KCNT1: variants seen among roughly 807,000 people sequenced by gnomAD.
The protein encoded by KCNT1 is potassium channel subfamily T member 1.
In KCNT1, 78 loss-of-function variants were observed where a neutral mutation model predicts 147.8. The observed-to-expected ratio is 0.53, with a 90% confidence interval of 0.44 to 0.64. The LOEUF is 0.64. Among genes scored for constraint, KCNT1 ranks in the 30% least tolerant of loss-of-function variants. The pLI, the probability that KCNT1 is intolerant of heterozygous loss-of-function variation, is 0.00. For missense variants in KCNT1, 1,419 were observed against 1,750.3 expected, an observed-to-expected ratio of 0.81 and a Z score of 3.38; for synonymous variants, 867 against 748.8, an observed-to-expected ratio of 1.16 and a Z score of -2.58.
intron 2 of KCNT1, among the ~76,000 whole-genome samples, chr9:135,732,420 C>T (rs1830139227): frequency 1.3e-5 from 2 of 152,176 alleles, no homozygotes; most frequent in Admixed American, 1.3e-4. Flanking sequence ...GTGCCTGGAT[C>T]TTGTTGTGCC....
intron 17 of KCNT1, 71 bp downstream of exon 17, chr9:135,770,518 G>C (rs545322605): frequency 2.0e-6 from 3 of 1,527,926 alleles, no homozygotes; most frequent in South Asian, 1.3e-5. Context: ...CCACCCTCCC[G>C]GTCAGGCACA....
chr9:135,722,309 C>G (rs560705889), intron 2 of KCNT1, among the ~76,000 whole-genome samples: 1 of 152,206 alleles, frequency 6.6e-6, no homozygotes, highest in African/African-American at 2.4e-5. Context: ...GCCGGCACAG[C>G]GGGGCACACG....
chr9:135,784,833 G>A lies in KCNT1; in HGVS notation c.3100G>A (p.Ala1034Thr), dbSNP rs779961735. Residue 1034 changes from alanine to threonine, a missense_variant, in exon 27 of 31, where the codon GCC becomes ACC. Around this residue, in one of 5 missense-constraint regions of KCNT1, gnomAD observed 247 missense variants for 397.1 expected, o/e 0.62. Transcript: ENST00000371757. ...CTTCCAGAAGCTCTGCTCCTCCAGCGCCGAGATCCCCATTGGCATCTACCG... is the reference window on the plus strand; with the variant it reads ...CTTCCAGAAGCTCTGCTCCTCCAGCACCGAGATCCCCATTGGCATCTACCG... Reference protein sequence around the residue: ...RLFQKLCSSSAEIPIGIYRTE... With the variant: ...RLFQKLCSSSTEIPIGIYRTE... The A allele has an allele frequency of 2.3e-5, 37 of 1,612,816 alleles. No individual in the cohort carries two copies. The highest frequency in any genetic ancestry group is 1.8e-4 in the Admixed American group (11 of 60,022).
chr9:135,784,861 C>T lies in KCNT1; in HGVS notation c.3128C>T (p.Thr1043Ile), dbSNP rs1361200980. 7.4e-6 allele frequency: 12 copies of T among 1,612,754 alleles called. No homozygotes were observed. Among genetic ancestry groups the T allele is most frequent in the Admixed American group, 1.7e-5 (1 of 60,018 alleles). ...SAEIPIGIYR[T>I]ESHVFSTSEP... is the part of the protein sequence containing the mutation. ...GAGATCCCCATTGGCATCTACCGGA[C>T]AGAGAGCCACGTCTTCTCCACCTCG... Residue 1043 changes from threonine (T) to isoleucine (I), a missense_variant, in exon 27 of 31, where the codon ACA (threonine) becomes ATA (isoleucine). Thr to Ile is a moderately conservative substitution (Grantham distance 89). Transcript: ENST00000371757.
At chr9:135,709,007 A>G (rs563763696) in intron 1 of KCNT1, among the ~76,000 whole-genome samples, 2 of 152,158 alleles carry the variant, frequency 1.3e-5, no homozygotes, top group Admixed American at 6.5e-5. Context: ...TTTAGCCCTT[A>G]GCTGTTCCGT....
chr9:135,770,543 G>T, intron 17 of KCNT1, 96 bp downstream of exon 17: 13 of 1,474,394 alleles, frequency 8.8e-6, no homozygotes, highest in Non-Finnish European at 1.2e-5. Flanking sequence ...TGGCCCTGGG[G>T]CGGGGCTGCA....
At chr9:135,721,021 G>A (rs1293910549) in intron 2 of KCNT1, among the ~76,000 whole-genome samples, 1 of 152,252 alleles carries the variant, frequency 6.6e-6, no homozygotes, top group Non-Finnish European at 1.5e-5. Context: ...CCAAGGGGCA[G>A]TGGTGGTTTA....
rs1192155060 is a variant in KCNT1, at chr9:135,794,940, C to G, written c.*2779C>G. ...CCATAAAAGGTCCCCCTGCAAAGTA[C>G]ACCAAGTGAAGTAGGATCTGAGCAA... is the stretch of plus-strand genomic sequence containing the variant. On this transcript the variant is annotated 3_prime_UTR_variant, in exon 31 of 31. Coordinates refer to ENST00000371757, the MANE Select transcript of KCNT1 (RefSeq NM_020822.3). 1.3e-5 allele frequency: 2 copies of G among 152,156 alleles called. No homozygotes were observed. Among genetic ancestry groups the G allele is most frequent in the Non-Finnish European group, 2.9e-5 (2 of 68,036 alleles). 9.4% of individuals were successfully genotyped at this position (152,156 alleles called of 1,614,324 possible).
Position 135,702,243 on chromosome 9 carries a change from C to T in KCNT1, c.-16C>T, listed in dbSNP as rs562987416. 2.9e-5 allele frequency: 46 copies of T among 1,596,166 alleles called. No individual in the cohort carries two copies. In the East Asian group the frequency reaches 9.5e-4, roughly 33 times the overall value. On this transcript the variant is annotated 5_prime_UTR_variant, in exon 1 of 31. Coordinates refer to ENST00000371757, the MANE Select transcript of KCNT1 (RefSeq NM_020822.3). ...ACTCGCTTCTCCCTCGGGTCGGGTC[C>T]GAGCTGCCAGGCCGCATGCCACTCC...
chr9:135,792,141 C>T lies in KCNT1; in HGVS notation c.3688C>T (p.Arg1230Cys), dbSNP rs771068120. The change falls in exon 31 of 31, where the codon CGC becomes TGC. Residue 1230 changes from arginine to cysteine, a missense_variant. Arg to Cys is a radical substitution (Grantham distance 180). Coordinates refer to ENST00000371757, the MANE Select transcript of KCNT1 (RefSeq NM_020822.3). ...HKLSSCNPET[R>C]DETQL is the part of the protein sequence containing the mutation. The stretch of plus-strand genomic sequence containing the variant: ...GCTGTCGTCCTGCAACCCCGAGACT[C>T]GCGACGAGACACAGCTCTGAGCCAG... 24 of 1,605,864 alleles carry T rather than the reference C, an allele frequency of 1.5e-5. No individual in the cohort carries two copies. Among genetic ancestry groups the T allele is most frequent in the South Asian group, 4.4e-5 (4 of 90,816 alleles).
chr9:135,729,884 A>G (rs758622966), intron 2 of KCNT1, among the ~76,000 whole-genome samples: 17 of 152,100 alleles, frequency 1.1e-4, no homozygotes, highest in African/African-American at 3.6e-4. Context: ...CAACCCCACC[A>G]CTGGGCAGGT....
chr9:135,782,845 C>T (rs999102809), intron 24 of KCNT1, among the ~76,000 whole-genome samples: 7 of 152,240 alleles, frequency 4.6e-5, no homozygotes, highest in African/African-American at 7.2e-5. Flanking sequence ...CGCAGCTCAT[C>T]GCACCTGGTT....
At chr9:135,753,479 A>G (rs1831306583) in intron 4 of KCNT1, among the ~76,000 whole-genome samples, 1 of 152,106 alleles carries the variant, frequency 6.6e-6, no homozygotes, top group Admixed American at 6.5e-5. Flanking sequence ...TGGGGATAGG[A>G]GCTTCCTCTC....
intron 11 of KCNT1, among the ~76,000 whole-genome samples, chr9:135,763,148 C>T (rs1333100909): frequency 6.6e-6 from 1 of 152,242 alleles, no homozygotes; most frequent in African/African-American, 2.4e-5. Flanking sequence ...TCAAACCTGA[C>T]CCAGGTGGGC....
chr9:135,728,189 C>T (rs1836294037), intron 2 of KCNT1, among the ~76,000 whole-genome samples: 1 of 152,212 alleles, frequency 6.6e-6, no homozygotes, highest in Non-Finnish European at 1.5e-5. Flanking sequence ...CTCCCTAGGG[C>T]CTCCAAGGAA....
chr9:135,721,584 C>G (rs926212693), intron 2 of KCNT1, among the ~76,000 whole-genome samples: 2 of 152,210 alleles, frequency 1.3e-5, no homozygotes, highest in African/African-American at 4.8e-5. Flanking sequence ...GCCTCGGGGC[C>G]GCCTGTCTGT....
rs139807438 is a variant in KCNT1 at position 135,792,269 on chromosome 9, T to A, written c.*108T>A. 554 of 1,357,918 alleles carry A rather than the reference T, an allele frequency of 4.1e-4. 1 individual carries two copies. The East Asian group carries it at 5.1e-3, about 12-fold the overall frequency. The allele number at this position is 1,357,918 out of a possible 1,614,324, so 84.1% of individuals were successfully genotyped here. On this transcript the variant is annotated 3_prime_UTR_variant, in exon 31 of 31. Transcript: ENST00000371757. The stretch of plus-strand genomic sequence containing the variant: ...TAGCGTGACCCTGGGGATGGCACAC[T>A]CTACTCACCATGGCTCCTGGGACTC...
At chr9:135,753,881 TC>T in intron 4 of KCNT1, 55 bp from the exon 5 acceptor site, 1 of 1,598,450 alleles carries the variant, frequency 6.3e-7, no homozygotes, top group Non-Finnish European at 8.6e-7. Flanking sequence ...GGGCAGCAAG[TC>T]CTTGCAGTGG....
chr9:135,721,845 C>A (rs1048824027), intron 2 of KCNT1, among the ~76,000 whole-genome samples: 1 of 152,200 alleles, frequency 6.6e-6, no homozygotes, highest in Non-Finnish European at 1.5e-5. Context: ...TCTCCTGGGC[C>A]CCCTACCAGG....
Sources: gnomAD v4.1 joint callset for allele counts (sites outside exome capture counted in the v4.1 genomes callset) on GRCh38, gnomAD v4.1.1 for gene constraint, gnomAD v4.1.1 regional missense constraint, MANE v1.5 for transcripts, NCBI Gene and HGNC (gene_info 2026-07-23, HGNC 2026-07-21) for gene names.